Variants in DACH2 observed in about 807,000 individuals in gnomAD.
DACH2 encodes the protein dachshund family transcription factor 2.
DACH2 carries 17 observed loss-of-function variants against 35.8 expected under a neutral mutation model. The observed-to-expected ratio is 0.48, with a 90% CI of 0.33 to 0.71. The LOEUF (loss-of-function observed/expected upper bound fraction) is 0.71. Ranked by LOEUF, DACH2 falls within the 30% of genes least tolerant of loss-of-function variation. The pLI, the probability that DACH2 is intolerant of heterozygous loss-of-function variation, is 0.02. For synonymous variants in DACH2, 195 were observed against 177.3 expected (o/e 1.10, Z -0.79); for missense variants, 469 against 472.7 (o/e 0.99, Z 0.07).
chrX:86,254,322 G>T (rs1209472163), intron 1 of DACH2, among the ~76,000 whole-genome samples: 1 of 111,226 alleles, frequency 9.0e-6, no homozygotes, highest in Non-Finnish European at 1.9e-5. Context: ...CTTCAGAATT[G>T]TTGCTGGCTG....
At chrX:86,246,596 T>G (rs1050740101) in intron 1 of DACH2, among the ~76,000 whole-genome samples, 2 of 112,058 alleles carry the variant, frequency 1.8e-5, no homozygotes, top group Non-Finnish European at 3.8e-5. Context: ...TGAAATAAGT[T>G]CCTTTTCAGA....
chrX:86,315,200 T>G (rs1158339635), intron 1 of DACH2, among the ~76,000 whole-genome samples: 3 of 112,210 alleles, frequency 2.7e-5, no homozygotes, highest in African/African-American at 9.7e-5. Flanking sequence ...ATGCTAAATC[T>G]ACTCTGCCTG....
At chrX:86,243,998 T>C (rs1337667557) in intron 1 of DACH2, among the ~76,000 whole-genome samples, 2 of 112,120 alleles carry the variant, frequency 1.8e-5, no homozygotes, top group East Asian at 5.6e-4. Context: ...ATTTTTATTT[T>C]CTTATATATC....
At chrX:86,599,589 A>C (rs1184422202) in intron 3 of DACH2, among the ~76,000 whole-genome samples, 2 of 107,345 alleles carry the variant, frequency 1.9e-5, no homozygotes, top group Non-Finnish European at 1.9e-5. Context: ...CTTCACCTCC[A>C]AAGTTCAAGC....
chrX:86,613,211 A>T (rs1393765779), intron 3 of DACH2, among the ~76,000 whole-genome samples: 1 of 111,625 alleles, frequency 9.0e-6, no homozygotes, highest in Non-Finnish European at 1.9e-5. Flanking sequence ...TTTTCTGTTT[A>T]AAAAAATCTA....
chrX:86,381,078 A>G (rs2036039595), intron 2 of DACH2, among the ~76,000 whole-genome samples: 1 of 109,007 alleles, frequency 9.2e-6, no homozygotes, highest in African/African-American at 3.3e-5. Context: ...CCCATATGGG[A>G]GTATTTCTCT....
At chrX:86,708,222 T>C (rs1371456394) in intron 5 of DACH2, among the ~76,000 whole-genome samples, 1 of 110,083 alleles carries the variant, frequency 9.1e-6, no homozygotes, top group African/African-American at 3.3e-5. Context: ...TCCCCTAAGA[T>C]CGAAAACAAG....
Position 86,306,593 on chromosome X carries a change from A to G in DACH2, c.489-70231A>G, listed in dbSNP as rs142499491. ...CAGGAAATACAAAGCAGGCAGAAAAACATGAAAAGGCAAGACGACCCTAGC... is the reference window on the plus strand; with the variant it reads ...CAGGAAATACAAAGCAGGCAGAAAAGCATGAAAAGGCAAGACGACCCTAGC... On this transcript the variant is annotated intron_variant, in intron 1 of 11. Transcript: ENST00000373125. Among the ~76,000 whole-genome samples, 243 of 111,629 alleles carry G rather than the reference A, an allele frequency of 2.2e-3. 2 individuals carry two copies. Among genetic ancestry groups the G allele is most frequent in the African/African-American group, 7.5e-3 (230 of 30,701 alleles).
At chrX:86,395,699 C>A (rs185693802) in intron 2 of DACH2, among the ~76,000 whole-genome samples, 99 of 111,536 alleles carry the variant, frequency 8.9e-4, no homozygotes, top group African/African-American at 3.2e-3. Flanking sequence ...CATCCATGTC[C>A]CTACAAAGGA....
intron 1 of DACH2, among the ~76,000 whole-genome samples, chrX:86,299,723 T>C (rs929075261): frequency 2.7e-5 from 3 of 111,607 alleles, no homozygotes; most frequent in Non-Finnish European, 5.6e-5. Context: ...AGCAAAAATT[T>C]TCAAATAATA....
intron 7 of DACH2, chrX:86,799,120 A>C: frequency 3.1e-6 from 1 of 326,838 alleles, no homozygotes. Context: ...CTGACCATTC[A>C]CTGGGGGTGC....
At chrX:86,322,421 C>A (rs1049376961) in intron 1 of DACH2, among the ~76,000 whole-genome samples, 2 of 110,708 alleles carry the variant, frequency 1.8e-5, no homozygotes, top group South Asian at 7.8e-4. Flanking sequence ...TTTAGTGTGA[C>A]CCAGGGTGGA....
intron 7 of DACH2, among the ~76,000 whole-genome samples, chrX:86,790,679 G>A (rs1278504519): frequency 9.0e-6 from 1 of 111,369 alleles, no homozygotes; most frequent in African/African-American, 3.3e-5. Context: ...CCAAGTAGCT[G>A]GGACTACTGA....
intron 3 of DACH2, among the ~76,000 whole-genome samples, chrX:86,610,879 C>G (rs890789250): frequency 1.8e-5 from 2 of 111,287 alleles, no homozygotes; most frequent in Non-Finnish European, 3.8e-5. Flanking sequence ...AATCAGGAAC[C>G]CTAAGATCCC....
intron 1 of DACH2, among the ~76,000 whole-genome samples, chrX:86,190,939 C>T (rs961169947): frequency 1.8e-5 from 2 of 111,212 alleles, no homozygotes; most frequent in Non-Finnish European, 3.8e-5. Flanking sequence ...GGCAAAACTT[C>T]ATCTCAAAAA....
At chrX:86,299,800 C>T (rs1244654841) in intron 1 of DACH2, among the ~76,000 whole-genome samples, 1 of 112,005 alleles carries the variant, frequency 8.9e-6, no homozygotes, top group Non-Finnish European at 1.9e-5. Context: ...TTGGCCTCCT[C>T]CATTTGTCAG....
rs186273303 is a variant in DACH2, at chrX:86,452,591, C to T, written c.528-61688C>T. 5.4e-5 allele frequency among the ~76,000 whole-genome samples: 6 copies of T among 111,190 alleles called. No individual in the cohort carries two copies. In the East Asian group the frequency reaches 1.4e-3, roughly 26 times the overall value. ...TTCAGAAATTTATTCATTTCATCTACATTTTCTAGTTTATGTGCATAGAGA... is the reference window on the plus strand; with the variant it reads ...TTCAGAAATTTATTCATTTCATCTATATTTTCTAGTTTATGTGCATAGAGA... On this transcript the variant is annotated intron_variant, in intron 2 of 11. Coordinates refer to ENST00000373125, the MANE Select transcript of DACH2 (RefSeq NM_053281.3).
intron 3 of DACH2, among the ~76,000 whole-genome samples, chrX:86,624,320 A>T (rs1051135758): frequency 1.8e-5 from 2 of 111,877 alleles, no homozygotes; most frequent in Admixed American, 1.9e-4. Context: ...CAAGCAGATC[A>T]TATTGCTTTT....
intron 1 of DACH2, among the ~76,000 whole-genome samples, chrX:86,307,142 C>T (rs2034705122): frequency 8.9e-6 from 1 of 111,749 alleles, no homozygotes; most frequent in Admixed American, 9.6e-5. Context: ...CTGGTTGTTG[C>T]TCCGAAGTTC....
Sources: gnomAD v4.1 joint callset for allele counts (sites outside exome capture counted in the v4.1 genomes callset) on GRCh38, gnomAD v4.1.1 for gene constraint, MANE v1.5 for transcripts, NCBI Gene and HGNC (gene_info 2026-07-23, HGNC 2026-07-21) for gene names.